MEP1A: variants seen among roughly 807,000 people sequenced by gnomAD.
MEP1A encodes N-benzoyl-L-tyrosyl-P-amino-benzoic acid hydrolase subunit alpha.
Under a neutral mutation model 84.5 loss-of-function variants are expected in MEP1A, and 68 were observed. The observed-to-expected ratio is 0.80, with a 90% CI of 0.66 to 0.98. The LOEUF is 0.98. Among genes scored for constraint, MEP1A ranks in the 50% least tolerant of loss-of-function variants. The probability of loss-of-function intolerance (pLI) is 0.00; values close to 1 mark genes in which losing one functional copy is unlikely to be tolerated. For missense variants in MEP1A, 887 were observed against 919.9 expected, an observed-to-expected ratio of 0.96 and a Z score of 0.46; for synonymous variants, 337 against 336.8, an observed-to-expected ratio of 1.00 and a Z score of -0.01.
chr6:46,828,117 A>G (rs1767989450), intron 9 of MEP1A, among the ~76,000 whole-genome samples: 1 of 152,148 alleles, frequency 6.6e-6, no homozygotes, highest in African/African-American at 2.4e-5. Flanking sequence ...GCTGGGGATA[A>G]TTCAGGCCTC....
intron 3 of MEP1A, among the ~76,000 whole-genome samples, chr6:46,797,054 G>T (rs1360929275): frequency 6.6e-6 from 1 of 152,254 alleles, no homozygotes; most frequent in Admixed American, 6.5e-5. Flanking sequence ...GGAAGGGAAT[G>T]ATACAGGGAT....
At chr6:46,821,247 T>C (rs1767767494) in intron 7 of MEP1A, among the ~76,000 whole-genome samples, 1 of 152,158 alleles carries the variant, frequency 6.6e-6, no homozygotes, top group Non-Finnish European at 1.5e-5. Context: ...ATTGGTGTAG[T>C]AAGGAAGAAA....
intron 10 of MEP1A, among the ~76,000 whole-genome samples, chr6:46,830,027 A>G (rs1260452856): frequency 6.6e-6 from 1 of 151,972 alleles, no homozygotes; most frequent in Admixed American, 6.6e-5. Context: ...GGCCTTGTGG[A>G]TCACAAGGTC....
chr6:46,824,631 ATT>A (rs1260812681), intron 7 of MEP1A, among the ~76,000 whole-genome samples: 4 of 133,094 alleles, frequency 3.0e-5, no homozygotes, highest in African/African-American at 8.9e-5. Flanking sequence ...TAAATTATAT[ATT>A]TAAATAAATG....
At chr6:46,820,749 A>G (rs1321075273) in intron 7 of MEP1A, among the ~76,000 whole-genome samples, 1 of 152,030 alleles carries the variant, frequency 6.6e-6, no homozygotes, top group Non-Finnish European at 1.5e-5. Context: ...ACACTAAAAC[A>G]TTTATTGAGC....
chr6:46,835,628 T>A, intron 13 of MEP1A, 79 bp downstream of exon 13: 1 of 1,473,852 alleles, frequency 6.8e-7, no homozygotes, highest in South Asian at 1.2e-5. Flanking sequence ...AAGGCTGCTG[T>A]TTGCAGAGTA....
chr6:46,797,381 A>G (rs1254158150), intron 3 of MEP1A, among the ~76,000 whole-genome samples: 2 of 152,198 alleles, frequency 1.3e-5, no homozygotes, highest in African/African-American at 4.8e-5. Flanking sequence ...TCCTACAAAG[A>G]TCTTCCCTTT....
At position 46,825,338 on chromosome 6, in the gene MEP1A, A is replaced by G. The variant is rs1482262401; in HGVS notation, c.623A>G (p.Tyr208Cys). The G allele has an allele frequency of 1.2e-6, 2 of 1,613,608 alleles. No homozygotes were observed. ...ACAGACCTCAATACACCCTATGATT[A>G]TGAGTCTTTGATGCACTACCAGCCT... is the stretch of plus-strand genomic sequence containing the variant. ...LITDLNTPYD[Y>C]ESLMHYQPFS... Residue 208 changes from tyrosine to cysteine, a missense_variant, in exon 8 of 14, where the codon TAT (tyrosine) becomes TGT (cysteine). By Grantham distance (194) the Tyr-to-Cys change is radical. Transcript: ENST00000230588.
At chr6:46,834,509 C>T in intron 11 of MEP1A, 69 bp from the exon 12 acceptor site, 5 of 767,028 alleles carry the variant, frequency 6.5e-6, no homozygotes, top group Non-Finnish European at 1.0e-5. Flanking sequence ...CCTGTATCCT[C>T]ATTAAAGACA....
Position 46,799,186 on chromosome 6 carries a change from T to A in MEP1A, c.262+5T>A, listed in dbSNP as rs771456674. 7 of 1,586,596 alleles carry A rather than the reference T, an allele frequency of 4.4e-6. No homozygotes were observed. The highest frequency in any genetic ancestry group is 6.1e-6 in the Non-Finnish European group (7 of 1,154,964). ...ACATCTTGGCTGATAATTTGGGTAA[T>A]ATTAATTGTTCTTAATTAGGAAGTT... On this transcript the variant is annotated splice_donor_5th_base_variant and intron_variant, in intron 5 of 13. Transcript: ENST00000230588.
Position 46,833,282 on chromosome 6 carries a change from G to A in MEP1A, c.1353G>A (p.Gly451=), listed in dbSNP as rs767276885. ...AAGTCCTTGAGAACACCAGCAAAGG[G>A]GACAAGCTTCAGAGCCCTCGATTCT... ...FSQVLENTSK[G]DKLQSPRFYN... The change falls in exon 11 of 14, where the codon GGG becomes GGA. Residue 451 remains glycine (G), a synonymous_variant. Transcript: ENST00000230588. 4 of 1,614,198 alleles carry A rather than the reference G, an allele frequency of 2.5e-6. No homozygotes were observed. Among genetic ancestry groups the A allele is most frequent in the South Asian group, 1.1e-5 (1 of 91,080 alleles).
At chr6:46,796,308 ATCTGGTGTTGCC>A (rs1279092413) in intron 3 of MEP1A, among the ~76,000 whole-genome samples, 2 of 152,060 alleles carry the variant, frequency 1.3e-5, no homozygotes, top group African/African-American at 4.8e-5. Context: ...GGACCTTTCT[ATCTGGTGTTGCC>A]TCTACCTCCC....
chr6:46,800,099 A>T (rs1305157509), intron 5 of MEP1A, among the ~76,000 whole-genome samples: 2 of 152,344 alleles, frequency 1.3e-5, no homozygotes, highest in East Asian at 3.9e-4. Context: ...TGGAAAATTG[A>T]GTTGTTTTCT....
chr6:46,815,344 G>A (rs1767609960), intron 6 of MEP1A, among the ~76,000 whole-genome samples: 2 of 152,148 alleles, frequency 1.3e-5, no homozygotes, highest in Non-Finnish European at 2.9e-5. Flanking sequence ...CCTCTGCTGA[G>A]TCATACAGGT....
At chr6:46,807,799 G>C in intron 5 of MEP1A, among the ~76,000 whole-genome samples, 1 of 145,546 alleles carries the variant, frequency 6.9e-6, no homozygotes, top group East Asian at 2.0e-4. Flanking sequence ...AAGAAAGAAA[G>C]AAAGAAAGAA....
intron 6 of MEP1A, among the ~76,000 whole-genome samples, chr6:46,812,054 T>A (rs1473782515): frequency 6.6e-6 from 1 of 152,126 alleles, no homozygotes; most frequent in Non-Finnish European, 1.5e-5. Context: ...TGGTACCAAT[T>A]CTTCTTTGAA....
intron 6 of MEP1A, among the ~76,000 whole-genome samples, chr6:46,816,468 G>A (rs1422502583): frequency 6.6e-6 from 1 of 152,002 alleles, no homozygotes; most frequent in Admixed American, 6.6e-5. Context: ...CTGAGAAAGT[G>A]TGGGATGAAG....
chr6:46,799,672 G>A lies in MEP1A; in HGVS notation c.262+491G>A, dbSNP rs151306568. 1.6e-3 allele frequency among the ~76,000 whole-genome samples: 241 copies of A among 152,206 alleles called. 2 individuals carry two copies. Among genetic ancestry groups the A allele is most frequent in the African/African-American group, 5.8e-3 (239 of 41,526 alleles). ...ATGTCTACTCTTTTCTCTCTCTTAAGAAAAAGATCTGAATATGTTACATTT... is the reference window on the plus strand; with the variant it reads ...ATGTCTACTCTTTTCTCTCTCTTAAAAAAAAGATCTGAATATGTTACATTT... On this transcript the variant is annotated intron_variant, in intron 5 of 13. Transcript: ENST00000230588.
intron 13 of MEP1A, among the ~76,000 whole-genome samples, chr6:46,838,467 G>A (rs535078381): frequency 6.6e-6 from 1 of 152,184 alleles, no homozygotes; most frequent in Non-Finnish European, 1.5e-5. Context: ...GGGCAACCTC[G>A]TGAGATAGTG....
Sources: gnomAD v4.1 joint callset for allele counts (sites outside exome capture counted in the v4.1 genomes callset) on GRCh38, gnomAD v4.1.1 for gene constraint, MANE v1.5 for transcripts, NCBI Gene and HGNC (gene_info 2026-07-23, HGNC 2026-07-21) for gene names.